GATAD1: variants seen among roughly 807,000 people sequenced by gnomAD.
GATAD1 encodes GATA zinc finger domain containing 1, also known as GATA zinc finger domain-containing protein 1.
A neutral mutation model predicts 26.5 loss-of-function variants in GATAD1; 12 were observed. The observed-to-expected ratio is 0.45, with a 90% CI of 0.29 to 0.73. GATAD1 has a LOEUF of 0.73. Among genes scored for constraint, GATAD1 ranks in the 30% least tolerant of loss-of-function variants. The pLI, the probability that GATAD1 is intolerant of heterozygous loss-of-function variation, is 0.10. For synonymous variants in GATAD1, 129 were observed against 133.1 expected, an observed-to-expected ratio of 0.97 and a Z score of 0.21; for missense variants, 266 against 342.1, an observed-to-expected ratio of 0.78 and a Z score of 1.75.
the GATAD1 span, chr7:92,493,532 G>A: frequency 1.5e-4 from 23 of 158,236 alleles, no homozygotes; most frequent in African/African-American, 4.8e-4. Flanking sequence ...CCAGCTACTC[G>A]GGAGGCTGAG....
At chr7:92,452,805 A>C (rs902679017) in intron 3 of GATAD1, among the ~76,000 whole-genome samples, 1 of 152,234 alleles carries the variant, frequency 6.6e-6, no homozygotes, top group Non-Finnish European at 1.5e-5. Flanking sequence ...TTACACTATG[A>C]AAGTAGATGT....
At chr7:92,462,757 T>C (rs1380123586), downstream of GATAD1, among the ~76,000 whole-genome samples, 1 of 152,164 alleles carries the variant, frequency 6.6e-6, no homozygotes, top group Non-Finnish European at 1.5e-5. Context: ...AGTGTCCTTT[T>C]AGGAAGAGGA....
chr7:92,449,671 T>C, intron 2 of GATAD1: 1 of 922,818 alleles, frequency 1.1e-6, no homozygotes, highest in Non-Finnish European at 1.3e-6. Context: ...GCAGACTATT[T>C]TCTTTTTTTT....
chr7:92,482,570 G>C, the GATAD1 span, among the ~76,000 whole-genome samples: 1 of 152,040 alleles, frequency 6.6e-6, no homozygotes, highest in Non-Finnish European at 1.5e-5. Context: ...GGTTTTAATG[G>C]GATAGTAATG....
chr7:92,472,420 C>G, the GATAD1 span: 1 of 152,254 alleles, frequency 6.6e-6, no homozygotes, highest in Non-Finnish European at 1.5e-5. Flanking sequence ...GCCACTACAT[C>G]AATTTCCTTA....
chr7:92,492,939 C>G, the GATAD1 span: 7 of 1,601,636 alleles, frequency 4.4e-6, no homozygotes, highest in Non-Finnish European at 6.0e-6. Context: ...TAACAACTTC[C>G]TCATATAACT....
At chr7:92,476,405 T>A in the GATAD1 span, among the ~76,000 whole-genome samples, 1 of 152,222 alleles carries the variant, frequency 6.6e-6, no homozygotes, top group Non-Finnish European at 1.5e-5. Flanking sequence ...ATAGGGAAGC[T>A]ACGGGTTGTC....
At chr7:92,455,207 G>A (rs1477380594) in intron 4 of GATAD1, among the ~76,000 whole-genome samples, 1 of 152,160 alleles carries the variant, frequency 6.6e-6, no homozygotes, top group East Asian at 1.9e-4. Flanking sequence ...GGCATTTTAT[G>A]TAGCTGGAGT....
At chr7:92,478,550 A>T in the GATAD1 span, among the ~76,000 whole-genome samples, 1 of 152,340 alleles carries the variant, frequency 6.6e-6, no homozygotes, top group South Asian at 2.1e-4. Flanking sequence ...TACCATAATC[A>T]GCAGTAAAGC....
rs370960226 is a variant in GATAD1 at position 92,454,641 on chromosome 7, T to G, written c.575T>G (p.Leu192Arg). ...SAALTWLIPT[L>R]SSPRDQFDPA... ...GCACTGACGTGGCTCATTCCTACCC[T>G]CTCTAGCCCCAGAGACCAATTTGAT... The change falls in exon 4 of 5, where the codon CTC (leucine) becomes CGC (arginine). Residue 192 changes from leucine (L) to arginine (R), a missense_variant. Transcript: ENST00000287957. 6.2e-7 allele frequency: 1 copy of G among 1,608,618 alleles called. No homozygotes were observed. Among genetic ancestry groups the G allele is most frequent in the Non-Finnish European group, 8.5e-7 (1 of 1,178,030 alleles).
chr7:92,454,737 T>C (rs1334580285), intron 4 of GATAD1, 52 bp downstream of exon 4: 1 of 1,259,476 alleles, frequency 7.9e-7, no homozygotes. Context: ...AACTCTCCAA[T>C]ATTATGTAAA....
intron 1 of GATAD1, 56 bp from the exon 2 acceptor site, chr7:92,448,696 C>T: frequency 1.4e-6 from 2 of 1,423,120 alleles, no homozygotes; most frequent in Admixed American, 3.4e-5. Context: ...GTACTGCAAC[C>T]TTTATGCACT....
chr7:92,491,444 T>G, the GATAD1 span: 4 of 1,613,984 alleles, frequency 2.5e-6, no homozygotes, highest in Non-Finnish European at 3.4e-6. Context: ...GCCACTGCTA[T>G]GGTTAAGAAA....
At chr7:92,494,699 A>C in the GATAD1 span, 1 of 1,181,108 alleles carries the variant, frequency 8.5e-7, no homozygotes, top group Non-Finnish European at 1.2e-6. Context: ...TCATATACAT[A>C]TATGAATGTA....
chr7:92,448,060 G>GGA, intron 1 of GATAD1, 82 bp downstream of exon 1: 4 of 1,075,288 alleles, frequency 3.7e-6, no homozygotes, highest in Non-Finnish European at 4.7e-6. Flanking sequence ...GAGCGGGCGG[G>GGA]CGCGGGCTTC....
At chr7:92,482,921 G>A in the GATAD1 span, among the ~76,000 whole-genome samples, 3 of 152,142 alleles carry the variant, frequency 2.0e-5, no homozygotes, top group African/African-American at 7.2e-5. Flanking sequence ...TGAAAAGAAG[G>A]TGATGTGGAG....
At chr7:92,465,372 C>T in the GATAD1 span, among the ~76,000 whole-genome samples, 5 of 152,184 alleles carry the variant, frequency 3.3e-5, no homozygotes, top group African/African-American at 7.2e-5. Flanking sequence ...AATCCTGGCA[C>T]TTTGAGAGGC....
chr7:92,466,173 T>A, the GATAD1 span, among the ~76,000 whole-genome samples: 1 of 151,988 alleles, frequency 6.6e-6, no homozygotes, highest in African/African-American at 2.4e-5. Context: ...ACAGCAATTT[T>A]ATTTTTTTTT....
At position 92,447,879 on chromosome 7, in the gene GATAD1, AG is replaced by A; in HGVS notation, c.153del (p.Thr52LeufsTer72). The A allele has an allele frequency of 7.5e-7, 1 of 1,327,068 alleles. No homozygotes were observed. 82.2% of individuals were successfully genotyped at this position (1,327,068 alleles called of 1,614,324 possible). On this transcript the variant is annotated frameshift_variant, in exon 1 of 5. Transcript: ENST00000287957. LOFTEE classifies it high-confidence loss of function. ...SGGAGSGAAGGTGGSGGGGFG... is the reference protein window; with the variant it reads ...SGGAGSGAAGXTGGSGGGGFG... Reference sequence around the variant, plus strand: ...GGGGCGCAGGCTCGGGGGCGGCTGGAGGGACTGGGGGCAGCGGCGGCGGCGG... The same window carrying A: ...GGGGCGCAGGCTCGGGGGCGGCTGGAGGACTGGGGGCAGCGGCGGCGGCGG...
Sources: gnomAD v4.1 joint callset for allele counts (sites outside exome capture counted in the v4.1 genomes callset) on GRCh38, gnomAD v4.1.1 for gene constraint, MANE v1.5 for transcripts, NCBI Gene and HGNC (gene_info 2026-07-23, HGNC 2026-07-21) for gene names.